The following EFCAB7 variants were observed in gnomAD, a reference collection of about 807,000 sequenced individuals.
EFCAB7 encodes the protein EF-hand calcium-binding domain-containing protein 7.
A neutral mutation model predicts 77.1 loss-of-function variants in EFCAB7; 66 were observed. The observed-to-expected ratio is 0.86, with a 90% CI of 0.70 to 1.05. The LOEUF (loss-of-function observed/expected upper bound fraction) is 1.05. Ranked by LOEUF, EFCAB7 falls within the 50% of genes least tolerant of loss-of-function variation. The probability of loss-of-function intolerance (pLI) is 0.00; values close to 1 mark genes in which losing one functional copy is unlikely to be tolerated. For synonymous variants in EFCAB7, 225 were observed against 243.3 expected (o/e 0.92, Z 0.70); for missense variants, 638 against 730.5 (o/e 0.87, Z 1.46).
At chr1:63,547,932 A>G (rs1646918886) in intron 7 of EFCAB7, 1 of 152,294 alleles carries the variant, frequency 6.6e-6, no homozygotes, top group Admixed American at 6.5e-5. Context: ...GCTCACAGAA[A>G]GTCACAAGGC....
Position 63,557,221 on chromosome 1 carries a change from A to G in EFCAB7, c.1322A>G (p.Asp441Gly), listed in dbSNP as rs369136426. The change falls in exon 10 of 14, where the codon GAT becomes GGT. Residue 441 changes from aspartate to glycine, a missense_variant. Physicochemically the swap from Asp to Gly is moderately conservative, Grantham distance 94. Coordinates refer to ENST00000371088, the MANE Select transcript of EFCAB7 (RefSeq NM_032437.4). ...TTGAGAACAAGTGGTGAGAAATGTG[A>G]TGAAGATGCTTGGGCTGTCTGCAGA... is the stretch of plus-strand genomic sequence containing the variant. Reference protein sequence around the residue: ...FELRTSGEKCDEDAWAVCREN... With the variant: ...FELRTSGEKCGEDAWAVCREN... The G allele has an allele frequency of 3.7e-6, 6 of 1,609,414 alleles. No individual in the cohort carries two copies. In the African/African-American group the frequency reaches 8.1e-5, roughly 22 times the overall value.
intron 2 of EFCAB7, among the ~76,000 whole-genome samples, chr1:63,528,894 GC>G (rs1423785688): frequency 2.6e-5 from 4 of 151,964 alleles, no homozygotes; most frequent in Admixed American, 2.0e-4. Context: ...ATTATTAGTA[GC>G]AGTAGTGTAG....
chr1:63,568,325 A>T lies in EFCAB7; in HGVS notation c.1513A>T (p.Ile505Phe), dbSNP rs1647192796. Reference sequence around the variant, plus strand: ...TTCCTATCAGGCATGTCCATTTGTCATTGATATCTATGCAGAAAAATGCAA... The same window carrying T: ...TTCCTATCAGGCATGTCCATTTGTCTTTGATATCTATGCAGAAAAATGCAA... ...LELTEACPFVIDIYAEKCKPK... is the reference protein window; with the variant it reads ...LELTEACPFVFDIYAEKCKPK... Residue 505 changes from isoleucine to phenylalanine, a missense_variant, in exon 12 of 14, where the codon ATT becomes TTT. Coordinates refer to ENST00000371088, the MANE Select transcript of EFCAB7 (RefSeq NM_032437.4). 1.2e-6 allele frequency: 2 copies of T among 1,602,804 alleles called. No homozygotes were observed. The highest frequency in any genetic ancestry group is 2.7e-5 in the African/African-American group (2 of 74,238).
chr1:63,533,804 A>AT (rs1405554067), intron 5 of EFCAB7, among the ~76,000 whole-genome samples, 155 bp downstream of exon 5: 2 of 152,146 alleles, frequency 1.3e-5, no homozygotes, highest in African/African-American at 4.8e-5. Flanking sequence ...GTAAAAATCT[A>AT]TTGAAGTAAA....
At chr1:63,531,731 C>T in intron 2 of EFCAB7, 89 bp from the exon 3 acceptor site, 1 of 1,085,298 alleles carries the variant, frequency 9.2e-7, no homozygotes, top group Non-Finnish European at 1.4e-6. Flanking sequence ...TTGTAAATAT[C>T]ATAATACATA....
Position 63,561,940 on chromosome 1 carries a change from C to G in EFCAB7, c.1497+83C>G, listed in dbSNP as rs1343338440. On this transcript the variant is annotated intron_variant, in intron 11 of 13. Coordinates refer to ENST00000371088, the MANE Select transcript of EFCAB7 (RefSeq NM_032437.4). The stretch of plus-strand genomic sequence containing the variant: ...GAACATTTTCCTGACATATAACTTT[C>G]GAATTGGGCACCCAAATCTTTGAAC... 8 of 1,039,704 alleles carry G rather than the reference C, an allele frequency of 7.7e-6. No individual in the cohort carries two copies. In the African/African-American group the frequency reaches 1.3e-4, roughly 17 times the overall value. 64.4% of individuals were successfully genotyped at this position (1,039,704 alleles called of 1,614,324 possible). A position where few individuals can be genotyped will look rare whatever the true frequency, so the allele number is the denominator to read the frequency against.
the EFCAB7 span, among the ~76,000 whole-genome samples, chr1:63,584,871 TG>T: frequency 4.6e-5 from 7 of 152,214 alleles, no homozygotes; most frequent in African/African-American, 1.7e-4. Context: ...TTTCCACTTG[TG>T]GGGGTGGTTG....
chr1:63,579,876 T>C, the EFCAB7 span, among the ~76,000 whole-genome samples: 2 of 152,230 alleles, frequency 1.3e-5, no homozygotes, highest in African/African-American at 4.8e-5. Context: ...TTCAAGCCTT[T>C]TGCCCATTTG....
chr1:63,528,875 G>C (rs1208694581), intron 2 of EFCAB7, among the ~76,000 whole-genome samples: 1 of 151,926 alleles, frequency 6.6e-6, no homozygotes, highest in Non-Finnish European at 1.5e-5. Context: ...TTTGAACATT[G>C]TTTCCTTTAT....
chr1:63,556,592 A>T (rs1434776723), intron 9 of EFCAB7, among the ~76,000 whole-genome samples: 1 of 151,372 alleles, frequency 6.6e-6, no homozygotes, highest in African/African-American at 2.4e-5. Flanking sequence ...GTGTGTTGAG[A>T]TACTGTGGTT....
At position 63,551,755 on chromosome 1, in the gene EFCAB7, C is replaced by A; in HGVS notation, c.977C>A (p.Thr326Asn). The A allele has an allele frequency of 6.4e-7, 1 of 1,567,324 alleles. No homozygotes were observed. The highest frequency in any genetic ancestry group is 8.6e-7 in the Non-Finnish European group (1 of 1,157,036). Reference sequence around the variant, plus strand: ...CCATCCCCTTGGTTATCCGTTGATACTGCCTTGTATATTCTCAAGGAAAAT... The same window carrying A: ...CCATCCCCTTGGTTATCCGTTGATAATGCCTTGTATATTCTCAAGGAAAAT... ...GKPSPWLSVDTALYILKENES... is the reference protein window; with the variant it reads ...GKPSPWLSVDNALYILKENES... Residue 326 changes from threonine (T) to asparagine (N), a missense_variant, in exon 8 of 14, where the codon ACT becomes AAT. Thr to Asn is a moderately conservative substitution (Grantham distance 65). Transcript: ENST00000371088.
chr1:63,563,471 G>C (rs1647134341), intron 11 of EFCAB7, among the ~76,000 whole-genome samples: 1 of 152,194 alleles, frequency 6.6e-6, no homozygotes, highest in African/African-American at 2.4e-5. Context: ...GGGTTTTGGG[G>C]AGGTATGGAA....
chr1:63,567,674 A>C (rs1433244309), intron 11 of EFCAB7, among the ~76,000 whole-genome samples: 1 of 152,138 alleles, frequency 6.6e-6, no homozygotes, highest in Non-Finnish European at 1.5e-5. Flanking sequence ...GAAGGGCTTC[A>C]TTTGCTCTAG....
At chr1:63,555,709 A>G (rs1413603309) in intron 9 of EFCAB7, among the ~76,000 whole-genome samples, 194 bp downstream of exon 9, 1 of 151,896 alleles carries the variant, frequency 6.6e-6, no homozygotes, top group African/African-American at 2.4e-5. Flanking sequence ...AAAGATAAAT[A>G]CTGCATGATC....
At chr1:63,527,949 G>T (rs1471334578) in intron 2 of EFCAB7, 1 of 152,144 alleles carries the variant, frequency 6.6e-6, no homozygotes, top group Non-Finnish European at 1.5e-5. Flanking sequence ...CAAGGATGTG[G>T]AGAAAAGGGA....
Position 63,532,766 on chromosome 1 carries a change from C to G in EFCAB7, c.486+10C>G, listed in dbSNP as rs957117394. On this transcript the variant is annotated intron_variant, in intron 4 of 13. Transcript: ENST00000371088. ...ATTTGACTACATCAAGGTACATAAG[C>G]TCACATTGATGTAAATTTACATACT... 7.0e-6 allele frequency: 11 copies of G among 1,582,188 alleles called. No homozygotes were observed. Among genetic ancestry groups the G allele is most frequent in the African/African-American group, 1.4e-5 (1 of 72,994 alleles).
intron 12 of EFCAB7, 26 bp from the exon 13 acceptor site, chr1:63,570,995 C>G: frequency 6.7e-7 from 1 of 1,485,634 alleles, no homozygotes; most frequent in Admixed American, 1.9e-5. Context: ...AAAGGAATAG[C>G]AGCTTATGAA....
intron 3 of EFCAB7, 70 bp from the exon 4 acceptor site, chr1:63,532,600 T>C: frequency 8.4e-7 from 1 of 1,184,384 alleles, no homozygotes; most frequent in Non-Finnish European, 1.2e-6. Flanking sequence ...AAAATGTGCT[T>C]CCACTGTCCC....
chr1:63,569,016 C>G (rs757257012), intron 12 of EFCAB7: 1 of 152,170 alleles, frequency 6.6e-6, no homozygotes, highest in Non-Finnish European at 1.5e-5. Context: ...ACCTTTGGCT[C>G]TCTTCCCTGC....
Sources: gnomAD v4.1 joint callset for allele counts (sites outside exome capture counted in the v4.1 genomes callset) on GRCh38, gnomAD v4.1.1 for gene constraint, MANE v1.5 for transcripts, NCBI Gene and HGNC (gene_info 2026-07-23, HGNC 2026-07-21) for gene names.